SRGAP1: variants seen among roughly 807,000 people sequenced by gnomAD.
The protein encoded by SRGAP1 is SLIT-ROBO Rho GTPase-activating protein 1.
SRGAP1 carries 43 observed loss-of-function variants against 121.9 expected under a neutral mutation model. The ratio of observed to expected loss-of-function variants is 0.35; its 90% CI spans 0.28 to 0.46. SRGAP1 has a LOEUF of 0.46. SRGAP1 is among the 20% of genes least tolerant of loss of function. SRGAP1 has a pLI of 1.00. For synonymous variants in SRGAP1, 447 were observed against 485.4 expected (o/e 0.92, Z 1.04); for missense variants, 1,102 against 1,350.9 (o/e 0.82, Z 2.89).
rs1253844287 is a variant in SRGAP1, at chr12:64,156,548, T to C, written c.*13876T>C. 1 of 152,200 alleles carries C rather than the reference T, an allele frequency of 6.6e-6. No individual in the cohort carries two copies. The highest frequency in any genetic ancestry group is 1.5e-5 in the Non-Finnish European group (1 of 68,026). The allele number at this position is 152,200 out of a possible 1,614,324, so 9.4% of individuals were successfully genotyped here. ...GAAAGGGTATGAGCACGTTTCTAGGTGCCCTGACCCCAAGATTAGGGGTTT... is the reference window on the plus strand; with the variant it reads ...GAAAGGGTATGAGCACGTTTCTAGGCGCCCTGACCCCAAGATTAGGGGTTT... On this transcript the variant is annotated 3_prime_UTR_variant, in exon 22 of 22. Coordinates refer to ENST00000355086, the MANE Select transcript of SRGAP1 (RefSeq NM_020762.4).
At chr12:64,076,655 T>C (rs1322619143) in intron 8 of SRGAP1, among the ~76,000 whole-genome samples, 1 of 151,364 alleles carries the variant, frequency 6.6e-6, no homozygotes, top group African/African-American at 2.4e-5. Context: ...AAAAAAAAAT[T>C]TTTTTTTTTG....
chr12:64,032,684 CAAAAA>C, intron 4 of SRGAP1: 3 of 163,068 alleles, frequency 1.8e-5, no homozygotes, highest in African/African-American at 3.4e-5. Context: ...GCTTTCAAAG[CAAAAA>C]AAAAAAAAAA....
At chr12:63,891,427 T>A (rs941433001) in intron 1 of SRGAP1, among the ~76,000 whole-genome samples, 2 of 152,152 alleles carry the variant, frequency 1.3e-5, no homozygotes, top group Non-Finnish European at 2.9e-5. Flanking sequence ...TATTTTGACT[T>A]CCATCCAAAC....
intron 1 of SRGAP1, among the ~76,000 whole-genome samples, chr12:63,848,332 T>G (rs1898970874): frequency 6.6e-6 from 1 of 152,084 alleles, no homozygotes; most frequent in African/African-American, 2.4e-5. Flanking sequence ...ATTTTGCCAC[T>G]GTGGCTGCCT....
intron 4 of SRGAP1, among the ~76,000 whole-genome samples, chr12:64,022,452 A>G (rs1227732343): frequency 1.3e-5 from 2 of 152,202 alleles, no homozygotes; most frequent in Non-Finnish European, 2.9e-5. Context: ...TAGGTTGGAT[A>G]AGACCCACCT....
At chr12:64,131,131 G>C (rs1428396979) in intron 21 of SRGAP1, among the ~76,000 whole-genome samples, 1 of 152,198 alleles carries the variant, frequency 6.6e-6, no homozygotes, top group African/African-American at 2.4e-5. Flanking sequence ...AACAGGGGTG[G>C]CTGGGGAAAG....
intron 10 of SRGAP1, among the ~76,000 whole-genome samples, chr12:64,085,930 A>G (rs979191394): frequency 6.6e-6 from 1 of 152,124 alleles, no homozygotes; most frequent in African/African-American, 2.4e-5. Context: ...TAACTGTTTC[A>G]CCCTATTTAA....
intron 1 of SRGAP1, among the ~76,000 whole-genome samples, chr12:63,950,698 G>A (rs576131455): frequency 1.1e-4 from 16 of 152,262 alleles, no homozygotes; most frequent in East Asian, 3.9e-4. Context: ...TTTCAAGGAG[G>A]TGATAAAATC....
chr12:63,926,027 C>A (rs1161852304), intron 1 of SRGAP1, among the ~76,000 whole-genome samples: 2 of 152,192 alleles, frequency 1.3e-5, no homozygotes, highest in African/African-American at 4.8e-5. Flanking sequence ...CCACAACTTG[C>A]CCAGTTTCAA....
intron 1 of SRGAP1, among the ~76,000 whole-genome samples, chr12:63,925,302 C>A (rs953769394): frequency 6.6e-6 from 1 of 152,102 alleles, no homozygotes; most frequent in Admixed American, 6.5e-5. Flanking sequence ...CTCATCAGGG[C>A]AGACAAATGC....
At chr12:63,858,274 G>GA (rs951018679) in intron 1 of SRGAP1, among the ~76,000 whole-genome samples, 3 of 150,848 alleles carry the variant, frequency 2.0e-5, no homozygotes, top group South Asian at 2.1e-4. Context: ...AAATTCTTGG[G>GA]AAAAAAACAG....
rs371278918 is a variant in SRGAP1, at chr12:64,063,043, G to C, written c.928G>C (p.Glu310Gln). 4.3e-6 allele frequency: 7 copies of C among 1,614,066 alleles called. No individual in the cohort carries two copies. The change falls in exon 7 of 22, where the codon GAG becomes CAG. Residue 310 changes from glutamate (E) to glutamine (Q), a missense_variant. Transcript: ENST00000355086. ...TATTGAGAATGCAGTTGATAATTTAGAGCCCAGGAGCGATAAGCAGAGATT... is the reference window on the plus strand; with the variant it reads ...TATTGAGAATGCAGTTGATAATTTACAGCCCAGGAGCGATAAGCAGAGATT... ...DIIENAVDNL[E>Q]PRSDKQRFME...
chr12:64,090,996 C>T (rs1037136112), intron 11 of SRGAP1, among the ~76,000 whole-genome samples: 2 of 152,178 alleles, frequency 1.3e-5, no homozygotes, highest in Non-Finnish European at 2.9e-5. Context: ...AAATAGCTAA[C>T]GAGTCTACTT....
intron 1 of SRGAP1, among the ~76,000 whole-genome samples, chr12:63,900,575 G>GGATGAGGCGGGAGGATCA (rs1015734629): frequency 6.6e-5 from 10 of 152,010 alleles, no homozygotes; most frequent in Admixed American, 2.0e-4. Context: ...CACTTTGGGA[G>GGATGAGGCGGGAGGATCA]GATGAGGCGG....
chr12:63,928,561 T>C (rs2031347809), intron 1 of SRGAP1, among the ~76,000 whole-genome samples: 1 of 152,174 alleles, frequency 6.6e-6, no homozygotes, highest in Non-Finnish European at 1.5e-5. Context: ...TGAAAGTGTT[T>C]TCAGTCTGTC....
At chr12:64,095,070 G>C in intron 13 of SRGAP1, 57 bp from the exon 14 acceptor site, 5 of 1,609,314 alleles carry the variant, frequency 3.1e-6, no homozygotes, top group Non-Finnish European at 4.3e-6. Context: ...CCTGGGAAAA[G>C]AGGGACCTAG....
chr12:63,989,270 CT>C (rs2033493712), intron 2 of SRGAP1, among the ~76,000 whole-genome samples: 1 of 152,162 alleles, frequency 6.6e-6, no homozygotes, highest in Non-Finnish European at 1.5e-5. Context: ...AGTTATGAGT[CT>C]GAAACAGTTT....
At chr12:64,036,407 C>T (rs1004625246) in intron 4 of SRGAP1, among the ~76,000 whole-genome samples, 8 of 152,092 alleles carry the variant, frequency 5.3e-5, no homozygotes, top group Non-Finnish European at 1.2e-4. Context: ...AATTCAGCTA[C>T]AGTTAGAGTC....
chr12:63,855,478 T>TTTTTTTTTG (rs1899211749), intron 1 of SRGAP1, among the ~76,000 whole-genome samples: 1 of 72,536 alleles, frequency 1.4e-5, no homozygotes, highest in African/African-American at 6.4e-5. Context: ...ATGGTGTTTT[T>TTTTTTTTTG]TTTTTTTTTT....
Sources: allele counts gnomAD v4.1 joint callset (sites outside exome capture counted in the v4.1 genomes callset), GRCh38; gene constraint gnomAD v4.1.1; transcripts MANE v1.5; gene names NCBI Gene and HGNC (gene_info 2026-07-23, HGNC 2026-07-21).